RBFOX1: variants seen among roughly 807,000 people sequenced by gnomAD.
RBFOX1 encodes RNA binding protein fox-1 homolog 1.
In RBFOX1, 8 loss-of-function variants were observed where a neutral mutation model predicts 57.7. The ratio of observed to expected loss-of-function variants is 0.14; its 90% CI spans 0.08 to 0.25. The LOEUF is 0.25. Among genes scored for constraint, RBFOX1 ranks in the 10% least tolerant of loss-of-function variants. The pLI is 1.00. For synonymous variants in RBFOX1, 326 were observed against 222.4 expected, an observed-to-expected ratio of 1.47 and a Z score of -4.15; for missense variants, 611 against 548.5, an observed-to-expected ratio of 1.11 and a Z score of -1.14.
Position 5,686,308 on chromosome 16 carries a change from G to T in RBFOX1, c.318+87347G>T, listed in dbSNP as rs530846087. Among the ~76,000 whole-genome samples, 5 of 152,302 alleles carry T rather than the reference G, an allele frequency of 3.3e-5. No homozygotes were observed. The South Asian group carries it at 1.0e-3, about 32-fold the overall frequency. ...TGTTTAGTAATATCCGTGATGTTCT[G>T]TTTGTTTAAGGTCTAGAAATCATTG... On this transcript the variant is annotated intron_variant, in intron 3 of 19. Transcript: ENST00000641259.
intron 2 of RBFOX1, among the ~76,000 whole-genome samples, chr16:6,632,665 T>C (rs2098399449): frequency 6.6e-6 from 1 of 152,182 alleles, no homozygotes; most frequent in Non-Finnish European, 1.5e-5. Flanking sequence ...TGGGCCTGAC[T>C]GATATCCGGC....
At chr16:7,540,215 C>A (rs183728100) in intron 5 of RBFOX1, among the ~76,000 whole-genome samples, 7 of 152,358 alleles carry the variant, frequency 4.6e-5, no homozygotes, top group Admixed American at 4.6e-4. Context: ...GCTTCCCTGC[C>A]TGTACCATTT....
chr16:6,899,861 G>T (rs139136645), intron 3 of RBFOX1, among the ~76,000 whole-genome samples: 18 of 152,250 alleles, frequency 1.2e-4, no homozygotes, highest in African/African-American at 4.1e-4. Context: ...ATAATAGTAG[G>T]GCCATGTCCA....
intron 2 of RBFOX1, among the ~76,000 whole-genome samples, chr16:6,450,285 A>T (rs2094563119): frequency 6.6e-6 from 1 of 152,230 alleles, no homozygotes; most frequent in Non-Finnish European, 1.5e-5. Context: ...ACGAGTTGTG[A>T]AGCTCCCGAT....
chr16:7,550,874 A>G (rs1265286317), intron 5 of RBFOX1, among the ~76,000 whole-genome samples: 2 of 152,084 alleles, frequency 1.3e-5, no homozygotes, highest in Non-Finnish European at 2.9e-5. Flanking sequence ...CAGGCGGATC[A>G]CTTGAGGTCA....
chr16:6,909,291 C>T (rs2070926993), intron 3 of RBFOX1, among the ~76,000 whole-genome samples: 1 of 152,156 alleles, frequency 6.6e-6, no homozygotes, highest in Non-Finnish European at 1.5e-5. Flanking sequence ...GACTCCAGCC[C>T]TGGCTTCCAG....
chr16:6,314,999 C>T (rs1346361272), intron 1 of RBFOX1, among the ~76,000 whole-genome samples: 2 of 152,186 alleles, frequency 1.3e-5, no homozygotes, highest in African/African-American at 4.8e-5. Context: ...GTCTATCTTC[C>T]CCACTGGACT....
intron 1 of RBFOX1, among the ~76,000 whole-genome samples, chr16:6,310,704 G>C (rs1181065887): frequency 6.6e-6 from 1 of 152,118 alleles, no homozygotes; most frequent in African/African-American, 2.4e-5. Flanking sequence ...GAATATGACT[G>C]GGCACAGCCT....
At chr16:7,575,206 C>T (rs2093210400) in intron 5 of RBFOX1, among the ~76,000 whole-genome samples, 1 of 152,054 alleles carries the variant, frequency 6.6e-6, no homozygotes, top group Admixed American at 6.6e-5. Context: ...ACGATCTCGG[C>T]TCATTGTAAC....
chr16:7,396,546 C>G (rs1191803350), intron 4 of RBFOX1, among the ~76,000 whole-genome samples: 1 of 152,150 alleles, frequency 6.6e-6, no homozygotes, highest in African/African-American at 2.4e-5. Flanking sequence ...CTCTGCGGAC[C>G]TCACGTGCTG....
At chr16:6,881,149 A>G (rs1310204200) in intron 3 of RBFOX1, among the ~76,000 whole-genome samples, 2 of 152,182 alleles carry the variant, frequency 1.3e-5, no homozygotes, top group East Asian at 1.9e-4. Flanking sequence ...ACTATAGATG[A>G]TCAGAGCTGG....
At chr16:7,626,054 G>C (rs1024475680) in intron 10 of RBFOX1, among the ~76,000 whole-genome samples, 1 of 152,222 alleles carries the variant, frequency 6.6e-6, no homozygotes, top group South Asian at 2.1e-4. Flanking sequence ...CATAGATAGG[G>C]TTTCTAGGAG....
intron 5 of RBFOX1, among the ~76,000 whole-genome samples, chr16:7,551,088 C>CAAAAA (rs539169022): frequency 2.0e-4 from 15 of 76,726 alleles, no homozygotes; most frequent in Middle Eastern, 0.01. Context: ...GAGCGAGACT[C>CAAAAA]AAAAAAAAAA....
chr16:6,378,997 G>T (rs1444516647), intron 2 of RBFOX1, among the ~76,000 whole-genome samples: 2 of 152,162 alleles, frequency 1.3e-5, no homozygotes, highest in South Asian at 2.1e-4. Context: ...ATTAGACATA[G>T]AAGAGAGCTC....
intron 3 of RBFOX1, among the ~76,000 whole-genome samples, chr16:6,695,442 AGGAAG>A (rs1395853605): frequency 5.9e-4 from 40 of 67,252 alleles, no homozygotes; most frequent in South Asian, 1.2e-3. Flanking sequence ...AAAAAAGGAA[AGGAAG>A]GGAAAGGAAA....
chr16:5,832,006 G>A (rs2056291540), intron 3 of RBFOX1, among the ~76,000 whole-genome samples: 1 of 152,154 alleles, frequency 6.6e-6, no homozygotes, highest in African/African-American at 2.4e-5. Flanking sequence ...TCATCCTAGA[G>A]GGAAGGTATG....
intron 1 of RBFOX1, among the ~76,000 whole-genome samples, chr16:6,145,249 A>G (rs976843483): frequency 3.3e-5 from 5 of 151,982 alleles, no homozygotes; most frequent in East Asian, 1.9e-4. Context: ...ATGCATTCTC[A>G]TCATTTAGCT....
chr16:6,521,216 T>C (rs1391393953), intron 2 of RBFOX1, among the ~76,000 whole-genome samples: 1 of 152,058 alleles, frequency 6.6e-6, no homozygotes, highest in African/African-American at 2.4e-5. Context: ...AAATAGACAT[T>C]ATGACAGGGA....
chr16:6,612,657 G>C (rs913071004), intron 2 of RBFOX1, among the ~76,000 whole-genome samples: 4 of 151,856 alleles, frequency 2.6e-5, no homozygotes, highest in Non-Finnish European at 5.9e-5. Context: ...TTCAAGATCA[G>C]CCTGGCCAAC....
Sources: allele counts gnomAD v4.1 joint callset (sites outside exome capture counted in the v4.1 genomes callset), GRCh38; gene constraint gnomAD v4.1.1; transcripts MANE v1.5; gene names NCBI Gene and HGNC (gene_info 2026-07-23, HGNC 2026-07-21).